The following CHD2 variants were observed in gnomAD, a reference collection of about 807,000 sequenced individuals.
CHD2 encodes chromodomain helicase DNA binding protein 2, also known as ATP-dependent chromatin remodeler CHD2.
Under a neutral mutation model 243.9 loss-of-function variants are expected in CHD2, and 28 were observed. That is an observed-to-expected ratio of 0.11 (90% CI 0.09 to 0.16). The LOEUF (loss-of-function observed/expected upper bound fraction) is 0.16, where lower values mean the gene tolerates loss of function less well. Among genes scored for constraint, CHD2 ranks in the 10% least tolerant of loss-of-function variants. CHD2 has a pLI of 1.00. For synonymous variants in CHD2, 775 were observed against 779.0 expected, an observed-to-expected ratio of 0.99 and a Z score of 0.09; for missense variants, 1,386 against 2,209.8, an observed-to-expected ratio of 0.63 and a Z score of 7.47.
Position 93,024,484 on chromosome 15 carries a change from C to G in CHD2, c.5266C>G (p.Gln1756Glu), listed in dbSNP as rs751629075. 2 of 1,614,206 alleles carry G rather than the reference C, an allele frequency of 1.2e-6. No individual in the cohort carries two copies. The highest frequency in any genetic ancestry group is 2.2e-5 in the South Asian group (2 of 91,084). Residue 1756 changes from glutamine (Q) to glutamate (E), a missense_variant, in exon 39 of 39, where the codon CAG (glutamine) becomes GAG (glutamate). Transcript: ENST00000394196. ...CCGCCCCGCTATGGGCTACCATGGC[C>G]AGGGACCCTCAGACCATTACCGCTC... is the stretch of plus-strand genomic sequence containing the variant. ...DHRPAMGYHG[Q>E]GPSDHYRSFH...
chr15:92,911,295 T>C (rs561657585), intron 2 of CHD2, among the ~76,000 whole-genome samples: 111 of 152,328 alleles, frequency 7.3e-4, no homozygotes, highest in African/African-American at 2.2e-3. Context: ...TTCTCACCAC[T>C]CCTGAGGTAC....
chr15:92,994,804 C>G (rs1344594876), intron 28 of CHD2, among the ~76,000 whole-genome samples: 2 of 152,158 alleles, frequency 1.3e-5, no homozygotes, highest in Non-Finnish European at 2.9e-5. Context: ...TCTTAACAGT[C>G]CCTTCTCCCC....
chr15:93,024,886 T>G lies in CHD2; in HGVS notation c.*181T>G. 1.7e-6 allele frequency: 1 copy of G among 593,970 alleles called. No homozygotes were observed. Among genetic ancestry groups the G allele is most frequent in the Non-Finnish European group, 2.9e-6 (1 of 344,740 alleles). 36.8% of individuals were successfully genotyped at this position (593,970 alleles called of 1,614,324 possible). A position where few individuals can be genotyped will look rare whatever the true frequency, so the allele number is the denominator to read the frequency against. On this transcript the variant is annotated 3_prime_UTR_variant, in exon 39 of 39. Transcript: ENST00000394196. ...GCCTTTCACTGGGTCCAGCTCTGAT[T>G]CGGGTCACCACTCCTGCACTTTGGC... is the stretch of plus-strand genomic sequence containing the variant.
At chr15:92,905,809 G>C (rs1427123248) in intron 2 of CHD2, among the ~76,000 whole-genome samples, 1 of 152,174 alleles carries the variant, frequency 6.6e-6, no homozygotes, top group Non-Finnish European at 1.5e-5. Context: ...TGCTAACAGA[G>C]AATTAAGTGT....
At chr15:92,970,742 A>T (rs1219144693) in intron 17 of CHD2, among the ~76,000 whole-genome samples, 1 of 152,142 alleles carries the variant, frequency 6.6e-6, no homozygotes, top group Non-Finnish European at 1.5e-5. Context: ...GAGGTTATAT[A>T]GTATGGTTTA....
At chr15:92,976,920 T>G (rs1204533903) in intron 20 of CHD2, among the ~76,000 whole-genome samples, 1 of 151,874 alleles carries the variant, frequency 6.6e-6, no homozygotes, top group Non-Finnish European at 1.5e-5. Flanking sequence ...AAAATTTTTT[T>G]TTTAAATTTC....
chr15:92,916,648 C>T (rs1157304708), intron 2 of CHD2, among the ~76,000 whole-genome samples: 1 of 152,130 alleles, frequency 6.6e-6, no homozygotes, highest in Non-Finnish European at 1.5e-5. Context: ...CCAACTCCCA[C>T]GTTCAAGCGA....
chr15:92,988,438 T>C (rs967487508), intron 26 of CHD2, among the ~76,000 whole-genome samples: 3 of 152,180 alleles, frequency 2.0e-5, no homozygotes, highest in African/African-American at 7.2e-5. Context: ...CAAAAATGCA[T>C]GTATACTGTT....
chr15:93,024,375 C>T lies in CHD2; in HGVS notation c.5157C>T (p.His1719=), dbSNP rs1480618015. Residue 1719 remains histidine, a synonymous_variant, in exon 39 of 39, where the codon CAC becomes CAT. Coordinates refer to ENST00000394196, the MANE Select transcript of CHD2 (RefSeq NM_001271.4). The stretch of plus-strand genomic sequence containing the variant: ...AATCCTTGCATCTCTATTTCAGGCA[C>T]CATCATGACTCCAAGCGGAGGAGAT... ...HRGHRDYYDR[H]HHDSKRRRSD... 1 of 1,611,474 alleles carries T rather than the reference C, an allele frequency of 6.2e-7. No individual in the cohort carries two copies.
intron 2 of CHD2, among the ~76,000 whole-genome samples, chr15:92,904,113 G>C (rs765867375): frequency 2.0e-5 from 3 of 152,212 alleles, no homozygotes; most frequent in Non-Finnish European, 2.9e-5. Flanking sequence ...GAACTCTGGT[G>C]CCGACATAAA....
intron 6 of CHD2, 60 bp downstream of exon 6, chr15:92,937,685 G>GGC: frequency 2.4e-6 from 3 of 1,236,036 alleles, no homozygotes; most frequent in Non-Finnish European, 3.5e-6. Context: ...AGATTGGGAA[G>GGC]GATAATGTCG....
intron 3 of CHD2, among the ~76,000 whole-genome samples, chr15:92,926,208 A>G (rs2053058429): frequency 6.6e-6 from 1 of 152,174 alleles, no homozygotes; most frequent in East Asian, 1.9e-4. Flanking sequence ...CCTGAACTCA[A>G]GCCATTCTTC....
At chr15:93,010,472 C>A (rs933692258) in intron 35 of CHD2, among the ~76,000 whole-genome samples, 1 of 149,570 alleles carries the variant, frequency 6.7e-6, no homozygotes, top group Non-Finnish European at 1.5e-5. Flanking sequence ...ATCGCCCAGG[C>A]TGAAGTGCAG....
intron 16 of CHD2, 22 bp from the exon 17 acceptor site, chr15:92,967,303 C>G (rs2141830572): frequency 6.4e-7 from 1 of 1,556,608 alleles, no homozygotes; most frequent in East Asian, 2.3e-5. Flanking sequence ...GGCTAAATAA[C>G]ACTATACTGT....
At chr15:92,920,110 A>G (rs1455114195) in intron 2 of CHD2, among the ~76,000 whole-genome samples, 2 of 152,180 alleles carry the variant, frequency 1.3e-5, no homozygotes, top group Admixed American at 1.3e-4. Context: ...ATTAAAATGC[A>G]TTTATACACA....
intron 37 of CHD2, among the ~76,000 whole-genome samples, chr15:93,017,720 C>CT (rs1350835590): frequency 6.6e-6 from 1 of 152,036 alleles, no homozygotes; most frequent in East Asian, 1.9e-4. Flanking sequence ...GCTACCCTGC[C>CT]TGGAAGCATT....
chr15:92,910,897 T>C (rs1486344810), intron 2 of CHD2, among the ~76,000 whole-genome samples: 1 of 152,160 alleles, frequency 6.6e-6, no homozygotes, highest in African/African-American at 2.4e-5. Context: ...AGGTATAGCC[T>C]ACTGCACACT....
chr15:92,914,592 G>A, intron 2 of CHD2, among the ~76,000 whole-genome samples: 1 of 152,008 alleles, frequency 6.6e-6, no homozygotes, highest in East Asian at 1.9e-4. Context: ...TTTTTTTTCT[G>A]TCCTTACTGC....
chr15:92,933,459 TACAA>T (rs1310382419), intron 5 of CHD2, among the ~76,000 whole-genome samples: 1 of 152,236 alleles, frequency 6.6e-6, no homozygotes, highest in Non-Finnish European at 1.5e-5. Context: ...CTTAGAGTCA[TACAA>T]ACAAACAAAA....
Sources: allele counts gnomAD v4.1 joint callset (sites outside exome capture counted in the v4.1 genomes callset), GRCh38; gene constraint gnomAD v4.1.1; transcripts MANE v1.5; gene names NCBI Gene and HGNC (gene_info 2026-07-23, HGNC 2026-07-21).